The following ALOX5 variants were observed in gnomAD, a reference collection of about 807,000 sequenced individuals.
The protein encoded by ALOX5 is polyunsaturated fatty acid 5-lipoxygenase.
A neutral mutation model predicts 87.9 loss-of-function variants in ALOX5; 64 were observed. The ratio of observed to expected loss-of-function variants is 0.73; its 90% CI spans 0.60 to 0.90. The LOEUF is 0.90. Among genes scored for constraint, ALOX5 ranks in the 40% least tolerant of loss-of-function variants. The pLI is 0.00. For synonymous variants in ALOX5, 388 were observed against 355.1 expected, an observed-to-expected ratio of 1.09 and a Z score of -1.04; for missense variants, 822 against 907.5, an observed-to-expected ratio of 0.91 and a Z score of 1.21.
rs1841813640 is a variant in ALOX5 at position 45,428,654 on chromosome 10, G to T, written c.871G>T (p.Asp291Tyr). Residue 291 changes from aspartate (D) to tyrosine (Y), a missense_variant, in exon 7 of 14, where the codon GAT becomes TAT. Transcript: ENST00000374391. Reference sequence around the variant, plus strand: ...TTTCATCGTGGACTTTGAGCTGCTGGATGGCATCGATGCCAACAAAACAGA... The same window carrying T: ...TTTCATCGTGGACTTTGAGCTGCTGTATGGCATCGATGCCAACAAAACAGA... ...NIFIVDFELL[D>Y]GIDANKTDPC... The T allele has an allele frequency of 1.7e-5, 28 of 1,614,128 alleles. No individual in the cohort carries two copies. The highest frequency in any genetic ancestry group is 2.4e-5 in the Non-Finnish European group (28 of 1,180,022).
chr10:45,387,381 C>CA (rs1414276667), intron 2 of ALOX5, among the ~76,000 whole-genome samples: 24 of 152,312 alleles, frequency 1.6e-4, no homozygotes, highest in African/African-American at 4.6e-4. Flanking sequence ...GCTGCTCTCA[C>CA]AGGCAACACT....
chr10:45,382,603 C>T lies in ALOX5; in HGVS notation c.271C>T (p.Pro91Ser). 6.2e-7 allele frequency: 1 copy of T among 1,614,136 alleles called. No homozygotes were observed. Among genetic ancestry groups the T allele is most frequent in the Non-Finnish European group, 8.5e-7 (1 of 1,180,046 alleles). The change falls in exon 2 of 14, where the codon CCC becomes TCC. Residue 91 changes from proline (P) to serine (S), a missense_variant. By Grantham distance (74) the Pro-to-Ser change is moderately conservative (BLOSUM62 -1). Transcript: ENST00000374391. ...WYLKYITLKT[P>S]HGDYIEFPCY... ...CCTGAAGTACATCACGCTGAAGACG[C>T]CCCACGGGGACTACATCGAGTTCCC...
chr10:45,389,069 G>A (rs188040078), intron 2 of ALOX5, among the ~76,000 whole-genome samples: 1,636 of 152,294 alleles, frequency 0.011, 17 homozygotes, highest in South Asian at 0.028. Context: ...TAGCCGATTC[G>A]ATCAACTGTA....
rs557224890 is a variant in ALOX5, at chr10:45,394,051, T to G, written c.350-1804T>G. ...CTCCCAAGGTAATTTATAGATTCAATGTCATCCCCATCAAACTACCAATGA... is the reference window on the plus strand; with the variant it reads ...CTCCCAAGGTAATTTATAGATTCAAGGTCATCCCCATCAAACTACCAATGA... On this transcript the variant is annotated intron_variant, in intron 2 of 13. Transcript: ENST00000374391. Among the ~76,000 whole-genome samples, 48 of 152,350 alleles carry G rather than the reference T, an allele frequency of 3.2e-4. No homozygotes were observed. The Middle Eastern group carries it at 0.01, about 32-fold the overall frequency.
intron 2 of ALOX5, among the ~76,000 whole-genome samples, chr10:45,383,353 G>C (rs1368441045): frequency 6.6e-6 from 1 of 152,256 alleles, no homozygotes; most frequent in East Asian, 1.9e-4. Flanking sequence ...ATCAGAGACG[G>C]ACGCAGGCGT....
chr10:45,382,654 G>A lies in ALOX5; in HGVS notation c.322G>A (p.Val108Ile). ...FPCYRWITGD[V>I]EVVLRDGRAK... Reference sequence around the variant, plus strand: ...CTGCTACCGCTGGATCACCGGCGATGTCGAGGTTGTCCTGAGGGATGGACG... The same window carrying A: ...CTGCTACCGCTGGATCACCGGCGATATCGAGGTTGTCCTGAGGGATGGACG... Residue 108 changes from valine (V) to isoleucine (I), a missense_variant, in exon 2 of 14, where the codon GTC (valine) becomes ATC (isoleucine). Transcript: ENST00000374391. 2 of 1,613,700 alleles carry A rather than the reference G, an allele frequency of 1.2e-6. No homozygotes were observed. Among genetic ancestry groups the A allele is most frequent in the African/African-American group, 1.3e-5 (1 of 75,074 alleles).
chr10:45,397,380 C>A (rs564329795), intron 3 of ALOX5, among the ~76,000 whole-genome samples: 2 of 152,192 alleles, frequency 1.3e-5, no homozygotes, highest in South Asian at 2.1e-4. Context: ...TCCGTCCCCC[C>A]ACATACACAA....
chr10:45,401,521 T>C (rs766775233), intron 3 of ALOX5, among the ~76,000 whole-genome samples: 1 of 152,216 alleles, frequency 6.6e-6, no homozygotes, highest in South Asian at 2.1e-4. Flanking sequence ...TATACCACTT[T>C]GCATCCTCCT....
chr10:45,410,356 T>C (rs1024319066), intron 3 of ALOX5, among the ~76,000 whole-genome samples: 4 of 152,206 alleles, frequency 2.6e-5, no homozygotes, highest in Admixed American at 2.6e-4. Context: ...TAATATACTA[T>C]CATTGGCATT....
chr10:45,376,253 G>A (rs1020924187), intron 1 of ALOX5, among the ~76,000 whole-genome samples: 2 of 147,680 alleles, frequency 1.4e-5, no homozygotes, highest in Admixed American at 1.4e-4. Flanking sequence ...CACCTCAGCC[G>A]GAATCCCAGG....
At chr10:45,401,334 A>G (rs1275955743) in intron 3 of ALOX5, among the ~76,000 whole-genome samples, 3 of 152,184 alleles carry the variant, frequency 2.0e-5, no homozygotes, top group African/African-American at 7.2e-5. Flanking sequence ...AGGAATATGT[A>G]GTATATCTGG....
At position 45,443,161 on chromosome 10, in the gene ALOX5, A is replaced by G; in HGVS notation, c.1396A>G (p.Ile466Val). ...KARGMESKED[I>V]PYYFYRDDGL... is the part of the protein sequence containing the mutation. Reference sequence around the variant, plus strand: ...CCGGGGCATGGAGAGCAAAGAAGACATCCCCTACTACTTCTACCGGGACGA... The same window carrying G: ...CCGGGGCATGGAGAGCAAAGAAGACGTCCCCTACTACTTCTACCGGGACGA... The change falls in exon 10 of 14, where the codon ATC (isoleucine) becomes GTC (valine). Residue 466 changes from isoleucine to valine, a missense_variant. Physicochemically the swap from Ile to Val is conservative, Grantham distance 29. Coordinates refer to ENST00000374391, the MANE Select transcript of ALOX5 (RefSeq NM_000698.5). The G allele has an allele frequency of 3.1e-6, 5 of 1,613,802 alleles. No individual in the cohort carries two copies. The highest frequency in any genetic ancestry group is 4.2e-6 in the Non-Finnish European group (5 of 1,179,978).
At chr10:45,399,128 A>G (rs1008383913) in intron 3 of ALOX5, among the ~76,000 whole-genome samples, 1 of 152,210 alleles carries the variant, frequency 6.6e-6, no homozygotes, top group Non-Finnish European at 1.5e-5. Context: ...GAAGAATGAA[A>G]TACTGACACT....
intron 1 of ALOX5, among the ~76,000 whole-genome samples, chr10:45,376,635 A>G (rs1272688793): frequency 6.6e-6 from 1 of 152,250 alleles, no homozygotes; most frequent in Non-Finnish European, 1.5e-5. Context: ...AACGATAACA[A>G]TAACAATAAA....
At chr10:45,430,415 A>G (rs1419999844) in intron 7 of ALOX5, among the ~76,000 whole-genome samples, 3 of 152,102 alleles carry the variant, frequency 2.0e-5, no homozygotes, top group African/African-American at 4.8e-5. Context: ...AGGCTGATGG[A>G]AAAAAAGAGA....
At chr10:45,400,747 C>T (rs746919236) in intron 3 of ALOX5, among the ~76,000 whole-genome samples, 1 of 152,124 alleles carries the variant, frequency 6.6e-6, no homozygotes, top group Non-Finnish European at 1.5e-5. Context: ...ATAGGCAAAC[C>T]CACAGAGTCA....
chr10:45,387,879 G>A (rs1840060332), intron 2 of ALOX5, among the ~76,000 whole-genome samples: 1 of 152,238 alleles, frequency 6.6e-6, no homozygotes, highest in African/African-American at 2.4e-5. Context: ...CATGAGCAAT[G>A]CAGAAGATGG....
chr10:45,394,775 C>T (rs1456076769), intron 2 of ALOX5, among the ~76,000 whole-genome samples: 1 of 151,992 alleles, frequency 6.6e-6, no homozygotes. Context: ...AACAAACAAC[C>T]CCATCAAAAA....
Position 45,405,552 on chromosome 10 carries a change from C to T in ALOX5, c.432-6639C>T, listed in dbSNP as rs536064863. 2.5e-3 allele frequency among the ~76,000 whole-genome samples: 373 copies of T among 152,228 alleles called. 2 individuals carry two copies. Among genetic ancestry groups the T allele is most frequent in the Non-Finnish European group, 4.4e-3 (302 of 68,004 alleles). On this transcript the variant is annotated intron_variant, in intron 3 of 13. Transcript: ENST00000374391. ...AGCATTTATTATTTGTCTTCTGTTGCTTTTGCCACAGGAGATTTTAGTTCT... is the reference window on the plus strand; with the variant it reads ...AGCATTTATTATTTGTCTTCTGTTGTTTTTGCCACAGGAGATTTTAGTTCT...
Sources: allele counts gnomAD v4.1 joint callset (sites outside exome capture counted in the v4.1 genomes callset), GRCh38; gene constraint gnomAD v4.1.1; transcripts MANE v1.5; gene names NCBI Gene and HGNC (gene_info 2026-07-23, HGNC 2026-07-21).